RNF216: variants seen among roughly 807,000 people sequenced by gnomAD.
RNF216 encodes ring finger protein 216, also known as E3 ubiquitin-protein ligase RNF216.
RNF216 carries 72 observed loss-of-function variants against 110.8 expected under a neutral mutation model. That is an observed-to-expected ratio of 0.65 (90% CI 0.54 to 0.79). The LOEUF (loss-of-function observed/expected upper bound fraction) is 0.79, where lower values mean the gene tolerates loss of function less well. RNF216 is among the 30% of genes least tolerant of loss of function. The pLI, the probability that RNF216 is intolerant of heterozygous loss-of-function variation, is 0.00. For missense variants in RNF216, 1,342 were observed against 1,141.2 expected (o/e 1.18, Z -2.54); for synonymous variants, 495 against 407.5 (o/e 1.21, Z -2.59).
intron 13 of RNF216, among the ~76,000 whole-genome samples, chr7:5,688,048 G>A (rs1042733075): frequency 1.3e-5 from 2 of 152,150 alleles, no homozygotes; most frequent in East Asian, 1.9e-4. Context: ...AGGAACTAGC[G>A]ACCGCAAATG....
intron 13 of RNF216, among the ~76,000 whole-genome samples, chr7:5,658,763 T>C (rs1286024971): frequency 6.6e-6 from 1 of 152,148 alleles, no homozygotes; most frequent in African/African-American, 2.4e-5. Context: ...TCTGTGTATG[T>C]TTTGCCATGT....
intron 1 of RNF216, among the ~76,000 whole-genome samples, chr7:5,763,895 A>C (rs1796061737): frequency 6.6e-6 from 1 of 152,154 alleles, no homozygotes; most frequent in South Asian, 2.1e-4. Context: ...GATTTTAAAA[A>C]ATAAAACAGA....
intron 1 of RNF216, 71 bp from the exon 2 acceptor site, chr7:5,761,209 G>T: frequency 5.3e-6 from 3 of 561,318 alleles, no homozygotes; most frequent in African/African-American, 2.0e-5. Flanking sequence ...TCTGGTCAGG[G>T]GAACATCTGA....
At chr7:5,674,978 CAGAG>C (rs763848064) in intron 13 of RNF216, among the ~76,000 whole-genome samples, 1 of 151,994 alleles carries the variant, frequency 6.6e-6, no homozygotes, top group East Asian at 1.9e-4. Flanking sequence ...GCCTGGGCGA[CAGAG>C]AGAGACTCTG....
At chr7:5,660,032 A>G (rs1422526466) in intron 13 of RNF216, among the ~76,000 whole-genome samples, 3 of 145,688 alleles carry the variant, frequency 2.1e-5, no homozygotes, top group African/African-American at 7.7e-5. Flanking sequence ...ATAGCTCACT[A>G]TAACCTTGAC....
chr7:5,697,524 T>C (rs1362642800), intron 13 of RNF216, among the ~76,000 whole-genome samples: 1 of 152,208 alleles, frequency 6.6e-6, no homozygotes, highest in African/African-American at 2.4e-5. Context: ...TTCTGTACCA[T>C]GGCTGGGCTA....
chr7:5,724,863 T>G (rs1793652995), intron 8 of RNF216, among the ~76,000 whole-genome samples: 1 of 151,688 alleles, frequency 6.6e-6, no homozygotes, highest in Non-Finnish European at 1.5e-5. Context: ...TTCAAAAGGG[T>G]TTTCAGCAGT....
At chr7:5,689,812 T>C (rs1044208589) in intron 13 of RNF216, among the ~76,000 whole-genome samples, 7 of 151,794 alleles carry the variant, frequency 4.6e-5, no homozygotes, top group South Asian at 2.1e-4. Flanking sequence ...AAAAATTAGC[T>C]GGGTGTTATT....
Position 5,777,477 on chromosome 7 carries a change from C to G in RNF216, c.-70+4064G>C, listed in dbSNP as rs191551770. ...GACAACCGGTGCCAGGAAACAAGAG[C>G]CAACAGTACCTAGGGGGAGGAGAAG... On this transcript the variant is annotated intron_variant, in intron 1 of 16. Coordinates refer to ENST00000389902, the MANE Select transcript of RNF216 (RefSeq NM_207111.4). 427 of 152,256 alleles carry G rather than the reference C, an allele frequency of 2.8e-3. 9 individuals carry two copies. Among genetic ancestry groups the G allele is most frequent in the Non-Finnish European group, 1.4e-3 (95 of 68,034 alleles). 9.4% of individuals were successfully genotyped at this position (152,256 alleles called of 1,614,324 possible). A position where few individuals can be genotyped will look rare whatever the true frequency, so the allele number is the denominator to read the frequency against.
intron 15 of RNF216, among the ~76,000 whole-genome samples, chr7:5,634,039 G>A (rs989272260): frequency 6.6e-6 from 1 of 152,234 alleles, no homozygotes; most frequent in East Asian, 1.9e-4. Flanking sequence ...GATATGAACA[G>A]TAATCAGCAG....
chr7:5,742,965 T>A (rs540771329), intron 3 of RNF216, among the ~76,000 whole-genome samples: 1 of 152,120 alleles, frequency 6.6e-6, no homozygotes, highest in Admixed American at 6.5e-5. Flanking sequence ...CACTATTTAT[T>A]AAAATAAAAA....
intron 14 of RNF216, among the ~76,000 whole-genome samples, chr7:5,651,263 G>T (rs1233440994): frequency 6.6e-6 from 1 of 151,114 alleles, no homozygotes. Flanking sequence ...TCGCTCTGTC[G>T]CCCAGGCTGT....
intron 1 of RNF216, among the ~76,000 whole-genome samples, chr7:5,774,474 T>C (rs945598409): frequency 1.3e-5 from 2 of 152,206 alleles, no homozygotes; most frequent in Non-Finnish European, 2.9e-5. Flanking sequence ...ATAAAAACTT[T>C]TTAAAAACTA....
intron 14 of RNF216, among the ~76,000 whole-genome samples, chr7:5,644,070 T>C (rs1476645900): frequency 6.6e-6 from 1 of 152,244 alleles, no homozygotes; most frequent in Admixed American, 6.5e-5. Flanking sequence ...GAATATATCA[T>C]ATTAGTTTAT....
intron 4 of RNF216, 157 bp from the exon 5 acceptor site, chr7:5,739,509 C>T (rs1794629143): frequency 1.4e-6 from 1 of 739,580 alleles, no homozygotes; most frequent in Non-Finnish European, 2.4e-6. Context: ...CACTAGTTCC[C>T]AGATTCATCT....
At chr7:5,706,219 C>CAA (rs56894423) in intron 13 of RNF216, among the ~76,000 whole-genome samples, 31 of 70,626 alleles carry the variant, frequency 4.4e-4, no homozygotes, top group South Asian at 1.0e-3. Context: ...CACTCCATCT[C>CAA]AAAAAAAAAA....
At chr7:5,724,086 C>G (rs1793608039) in intron 8 of RNF216, among the ~76,000 whole-genome samples, 1 of 152,166 alleles carries the variant, frequency 6.6e-6, no homozygotes, top group Non-Finnish European at 1.5e-5. Flanking sequence ...AAAACTGAGA[C>G]AGGTTTATGA....
chr7:5,626,852 G>A (rs979366780), intron 15 of RNF216, among the ~76,000 whole-genome samples: 5 of 152,262 alleles, frequency 3.3e-5, no homozygotes, highest in African/African-American at 1.2e-4. Flanking sequence ...AAAGGATGTA[G>A]CCCAAAGTAA....
intron 14 of RNF216, among the ~76,000 whole-genome samples, 159 bp downstream of exon 14, chr7:5,652,254 G>C (rs1022589359): frequency 1.3e-5 from 2 of 151,800 alleles, no homozygotes; most frequent in Admixed American, 6.6e-5. Flanking sequence ...CAGAGATGAG[G>C]AAACAGAGGC....
Sources: allele counts gnomAD v4.1 joint callset (sites outside exome capture counted in the v4.1 genomes callset), GRCh38; gene constraint gnomAD v4.1.1; transcripts MANE v1.5; gene names NCBI Gene and HGNC (gene_info 2026-07-23, HGNC 2026-07-21).